The following LDLRAD3 variants were observed in gnomAD, a reference collection of about 807,000 sequenced individuals.
LDLRAD3 encodes low density lipoprotein receptor class A domain containing 3.
A neutral mutation model predicts 29.4 loss-of-function variants in LDLRAD3; 20 were observed. The ratio of observed to expected loss-of-function variants is 0.68; its 90% CI spans 0.48 to 0.99. LDLRAD3 has a LOEUF of 0.99. Ranked by LOEUF, LDLRAD3 falls within the 50% of genes least tolerant of loss-of-function variation. The probability of loss-of-function intolerance (pLI) is 0.00; values close to 1 mark genes in which losing one functional copy is unlikely to be tolerated. For missense variants in LDLRAD3, 420 were observed against 454.3 expected (o/e 0.92, Z 0.69); for synonymous variants, 157 against 192.7 (o/e 0.81, Z 1.53).
At chr11:36,160,335 G>A (rs972778984) in intron 4 of LDLRAD3, among the ~76,000 whole-genome samples, 1 of 152,180 alleles carries the variant, frequency 6.6e-6, no homozygotes, top group Non-Finnish European at 1.5e-5. Context: ...CAGAAAGCCA[G>A]CGTGATTTCC....
chr11:35,950,886 A>G (rs1851124430), intron 1 of LDLRAD3, among the ~76,000 whole-genome samples: 1 of 152,176 alleles, frequency 6.6e-6, no homozygotes, highest in Non-Finnish European at 1.5e-5. Context: ...GATCGAGACC[A>G]TCCTGGCTAA....
chr11:35,985,009 C>T (rs750272049), intron 1 of LDLRAD3, among the ~76,000 whole-genome samples: 3 of 150,880 alleles, frequency 2.0e-5, no homozygotes, highest in East Asian at 2.0e-4. Context: ...ACTGCAGCCT[C>T]GAACTCCTGG....
At chr11:35,984,785 C>G (rs536493040) in intron 1 of LDLRAD3, among the ~76,000 whole-genome samples, 11 of 152,020 alleles carry the variant, frequency 7.2e-5, no homozygotes, top group African/African-American at 2.7e-4. Flanking sequence ...GCATGCATCA[C>G]CACGCCTGGC....
At chr11:35,956,202 C>T (rs1339992702) in intron 1 of LDLRAD3, among the ~76,000 whole-genome samples, 1 of 152,120 alleles carries the variant, frequency 6.6e-6, no homozygotes, top group Non-Finnish European at 1.5e-5. Context: ...TATTCGATAA[C>T]AGAGCTGGGT....
At chr11:36,126,805 T>C (rs772299744) in intron 4 of LDLRAD3, among the ~76,000 whole-genome samples, 6 of 152,362 alleles carry the variant, frequency 3.9e-5, no homozygotes, top group Non-Finnish European at 5.9e-5. Context: ...TGTGGAGTTA[T>C]AATCTGCAGA....
intron 3 of LDLRAD3, among the ~76,000 whole-genome samples, chr11:36,088,991 CT>C (rs1217927678): frequency 3.9e-4 from 60 of 152,330 alleles, no homozygotes; most frequent in African/African-American, 1.4e-3. Flanking sequence ...GTCTTCCCTA[CT>C]ACATTGTGAC....
chr11:36,152,082 G>A (rs898651474), intron 4 of LDLRAD3, among the ~76,000 whole-genome samples: 1 of 152,060 alleles, frequency 6.6e-6, no homozygotes, highest in African/African-American at 2.4e-5. Context: ...ATTTCCAAAC[G>A]CCTCCTAAGG....
At chr11:36,069,101 A>G (rs1419711707) in intron 2 of LDLRAD3, among the ~76,000 whole-genome samples, 1 of 152,140 alleles carries the variant, frequency 6.6e-6, no homozygotes, top group African/African-American at 2.4e-5. Context: ...CTTGGAGTCT[A>G]CTCCAGTAGT....
intron 1 of LDLRAD3, among the ~76,000 whole-genome samples, chr11:35,975,866 C>T (rs1454463069): frequency 1.3e-5 from 2 of 149,006 alleles, no homozygotes; most frequent in Non-Finnish European, 3.0e-5. Context: ...GGGTGTGAAG[C>T]CAAAAAGAGT....
At chr11:35,997,857 G>T (rs1038057734) in intron 1 of LDLRAD3, among the ~76,000 whole-genome samples, 2 of 152,194 alleles carry the variant, frequency 1.3e-5, no homozygotes, top group Admixed American at 6.5e-5. Context: ...AAGTGGTGGG[G>T]CTGGGACTGG....
At chr11:36,205,695 GATT>G (rs1855197114) in intron 4 of LDLRAD3, among the ~76,000 whole-genome samples, 1 of 152,212 alleles carries the variant, frequency 6.6e-6, no homozygotes, top group Non-Finnish European at 1.5e-5. Flanking sequence ...AATTATGACT[GATT>G]ATGGGTTTTT....
rs530503744 is a variant in LDLRAD3 at position 36,213,178 on chromosome 11, A to G, written c.455-13907A>G. ...TCGGGCACTTGTCTCCCAGCTCTCA[A>G]TGGTCCTGGTTCCCAGCATCCTGGC... On this transcript the variant is annotated intron_variant, in intron 4 of 5. Coordinates refer to ENST00000315571, the MANE Select transcript of LDLRAD3 (RefSeq NM_174902.4). This position sits in a 1 kb window ranked among gnomAD's most constrained non-coding sequence, Gnocchi z 4.1. 6.6e-6 allele frequency among the ~76,000 whole-genome samples: 1 copy of G among 151,276 alleles called. No individual in the cohort carries two copies. The highest frequency in any genetic ancestry group is 1.5e-5 in the Non-Finnish European group (1 of 67,910).
intron 4 of LDLRAD3, among the ~76,000 whole-genome samples, chr11:36,152,272 A>G: frequency 6.6e-6 from 1 of 152,228 alleles, no homozygotes; most frequent in South Asian, 2.1e-4. Context: ...TTTCCATTTT[A>G]AAGAAAATCT....
chr11:36,143,913 T>TCCCC (rs1854124847), intron 4 of LDLRAD3, among the ~76,000 whole-genome samples: 3 of 56,904 alleles, frequency 5.3e-5, no homozygotes, highest in Non-Finnish European at 9.5e-5. Flanking sequence ...TCCCTCTCCC[T>TCCCC]CTCCCTCTCC....
intron 4 of LDLRAD3, among the ~76,000 whole-genome samples, chr11:36,226,568 T>C (rs555524318): frequency 6.6e-6 from 1 of 152,348 alleles, no homozygotes. Flanking sequence ...CCATTTTAAG[T>C]TTACAGTTCA....
At chr11:36,113,874 A>C (rs903970504) in intron 4 of LDLRAD3, among the ~76,000 whole-genome samples, 2 of 152,034 alleles carry the variant, frequency 1.3e-5, no homozygotes, top group African/African-American at 4.8e-5. Context: ...GAGTTTCGCC[A>C]TTTTGGCCAG....
At chr11:36,020,070 A>C (rs1852076102) in intron 1 of LDLRAD3, among the ~76,000 whole-genome samples, 1 of 152,120 alleles carries the variant, frequency 6.6e-6, no homozygotes, top group Non-Finnish European at 1.5e-5. Flanking sequence ...TCACATGCAA[A>C]GTCCTTGTGC....
In LDLRAD3 at chr11:36,013,943, G is replaced by A. The variant is rs906094687; in HGVS notation, c.47-22160G>A. On this transcript the variant is annotated intron_variant, in intron 1 of 5. Transcript: ENST00000315571. ...TTGGTGGAGAGCTAAGGTAAGGCAG[G>A]CTTTGCAGGCACACCCCCTTTTTTT... is the stretch of plus-strand genomic sequence containing the variant. Among the ~76,000 whole-genome samples, 11 of 152,142 alleles carry A rather than the reference G, an allele frequency of 7.2e-5. 1 individual carries two copies. The highest frequency in any genetic ancestry group is 1.9e-4 in the African/African-American group (8 of 41,424).
intron 1 of LDLRAD3, among the ~76,000 whole-genome samples, chr11:36,014,559 C>T (rs529611993): frequency 5.5e-4 from 84 of 152,276 alleles, no homozygotes; most frequent in African/African-American, 1.8e-3. Context: ...CCTCCTTTCC[C>T]GCCTGCCATG....
Sources: allele counts gnomAD v4.1 joint callset (sites outside exome capture counted in the v4.1 genomes callset), GRCh38; gene constraint gnomAD v4.1.1; non-coding constraint Gnocchi (gnomAD v3.1); transcripts MANE v1.5; gene names NCBI Gene and HGNC (gene_info 2026-07-23, HGNC 2026-07-21).